ANO6: variants seen among roughly 807,000 people sequenced by gnomAD.
The protein encoded by ANO6 is anoctamin-6.
ANO6 carries 106 observed loss-of-function variants against 117.5 expected under a neutral mutation model. The ratio of observed to expected loss-of-function variants is 0.90; its 90% CI spans 0.77 to 1.06. ANO6 has a LOEUF of 1.06. Among genes scored for constraint, ANO6 ranks in the 50% least tolerant of loss-of-function variants. The pLI is 0.00. For missense variants in ANO6, 955 were observed against 1,121.1 expected (o/e 0.85, Z 2.12); for synonymous variants, 367 against 385.1 (o/e 0.95, Z 0.55).
intron 7 of ANO6, among the ~76,000 whole-genome samples, chr12:45,355,912 A>G (rs192561337): frequency 6.6e-5 from 10 of 152,298 alleles, no homozygotes; most frequent in Non-Finnish European, 1.3e-4. Flanking sequence ...CCAGCTCCAT[A>G]CTGAGCCTGA....
intron 3 of ANO6, among the ~76,000 whole-genome samples, chr12:45,340,651 G>T (rs1471440360): frequency 6.6e-6 from 1 of 151,994 alleles, no homozygotes; most frequent in Non-Finnish European, 1.5e-5. Flanking sequence ...GTGGCCTCAG[G>T]TATTCATTTA....
chr12:45,386,669 A>C (rs181665082), intron 10 of ANO6, among the ~76,000 whole-genome samples: 1 of 152,358 alleles, frequency 6.6e-6, no homozygotes, highest in East Asian at 1.9e-4. Flanking sequence ...TTCAAAGCAC[A>C]GAAAACCCTT....
chr12:45,340,992 C>T (rs1032528262), intron 3 of ANO6, among the ~76,000 whole-genome samples: 3 of 152,018 alleles, frequency 2.0e-5, no homozygotes, highest in African/African-American at 7.2e-5. Flanking sequence ...AATTGCCATG[C>T]CAAAAGAAAA....
intron 1 of ANO6, among the ~76,000 whole-genome samples, chr12:45,238,457 A>G (rs1947683689): frequency 6.6e-6 from 1 of 151,638 alleles, no homozygotes; most frequent in Admixed American, 6.6e-5. Flanking sequence ...GGCTGATGGT[A>G]GGGTTTTCTA....
In ANO6 at chr12:45,409,369, T is replaced by C; in HGVS notation, c.1893T>C (p.Asn631=). Residue 631 remains asparagine (N), a synonymous_variant, in exon 16 of 20, where the codon AAT becomes AAC. Transcript: ENST00000320560. ...IQEVLLPWIM[N]LIGRFHRVSG... Reference sequence around the variant, plus strand: ...TTCTTTTTGGCAGCTGGATCATGAATCTAATTGGGCGATTTCACAGAGTTT... The same window carrying C: ...TTCTTTTTGGCAGCTGGATCATGAACCTAATTGGGCGATTTCACAGAGTTT... 1 of 1,614,008 alleles carries C rather than the reference T, an allele frequency of 6.2e-7. No individual in the cohort carries two copies. Among genetic ancestry groups the C allele is most frequent in the Non-Finnish European group, 8.5e-7 (1 of 1,179,918 alleles).
At chr12:45,321,875 G>T (rs1191894325) in intron 2 of ANO6, among the ~76,000 whole-genome samples, 1 of 152,136 alleles carries the variant, frequency 6.6e-6, no homozygotes, top group Admixed American at 6.6e-5. Flanking sequence ...TTAAAAAGAT[G>T]TGTACTCAAT....
chr12:45,241,172 C>A (rs777615265), intron 1 of ANO6, among the ~76,000 whole-genome samples: 1 of 152,210 alleles, frequency 6.6e-6, no homozygotes, highest in African/African-American at 2.4e-5. Context: ...TTCTCCCTGT[C>A]ACTTTCAGGT....
At chr12:45,225,183 CAA>C (rs34523402) in intron 1 of ANO6, among the ~76,000 whole-genome samples, 1,666 of 73,412 alleles carry the variant, frequency 0.023, 16 homozygotes, top group Admixed American at 0.075. Context: ...GACCCTGTCT[CAA>C]AAAAAAAAAA....
At chr12:45,222,617 A>G (rs1326887949) in intron 1 of ANO6, among the ~76,000 whole-genome samples, 2 of 152,216 alleles carry the variant, frequency 1.3e-5, no homozygotes, top group Non-Finnish European at 2.9e-5. Context: ...AAGCAGAAGC[A>G]GGCCTCAGAA....
At chr12:45,245,924 A>G (rs369819650) in intron 1 of ANO6, among the ~76,000 whole-genome samples, 1 of 150,802 alleles carries the variant, frequency 6.6e-6, no homozygotes, top group African/African-American at 2.5e-5. Flanking sequence ...AGGATTCCAC[A>G]TGTTAGATTG....
intron 3 of ANO6, among the ~76,000 whole-genome samples, chr12:45,341,112 G>A (rs983583623): frequency 2.0e-5 from 3 of 152,162 alleles, no homozygotes; most frequent in Non-Finnish European, 4.4e-5. Context: ...ATAGTTGGTG[G>A]TAAAATGGAG....
intron 2 of ANO6, among the ~76,000 whole-genome samples, chr12:45,329,746 C>A (rs1940598500): frequency 6.6e-6 from 1 of 152,066 alleles, no homozygotes. Flanking sequence ...CTTTGTTCTT[C>A]TGAGAAATTA....
intron 1 of ANO6, among the ~76,000 whole-genome samples, chr12:45,254,673 TAA>T (rs980843642): frequency 5.3e-5 from 8 of 152,232 alleles, no homozygotes; most frequent in Non-Finnish European, 1.0e-4. Flanking sequence ...GGAGTGAACA[TAA>T]AATAGTGACA....
At position 45,416,898 on chromosome 12, in the gene ANO6, G is replaced by A. The variant is rs1943228366; in HGVS notation, c.2211G>A (p.Val737=). 1 of 1,614,084 alleles carries A rather than the reference G, an allele frequency of 6.2e-7. No individual in the cohort carries two copies. Among genetic ancestry groups the A allele is most frequent in the Non-Finnish European group, 8.5e-7 (1 of 1,179,994 alleles). Residue 737 remains valine (V), a synonymous_variant, in exon 17 of 20, where the codon GTG becomes GTA. Coordinates refer to ENST00000320560, the MANE Select transcript of ANO6 (RefSeq NM_001025356.3). Reference sequence around the variant, plus strand: ...AAGGAATAGCAATTCTGGCTGTGGTGACCAATGTGAGTAGACCTAAGCTTT... The same window carrying A: ...AAGGAATAGCAATTCTGGCTGTGGTAACCAATGTGAGTAGACCTAAGCTTT... ...IMQGIAILAV[V]TNAMIIAFTS...
At chr12:45,308,705 C>T (rs554859489) in intron 2 of ANO6, among the ~76,000 whole-genome samples, 1 of 152,174 alleles carries the variant, frequency 6.6e-6, no homozygotes, top group African/African-American at 2.4e-5. Flanking sequence ...CTAGAGCAAC[C>T]TGGAAAAAGT....
At chr12:45,371,098 C>T (rs1159873168) in intron 9 of ANO6, among the ~76,000 whole-genome samples, 3 of 152,142 alleles carry the variant, frequency 2.0e-5, no homozygotes, top group African/African-American at 7.2e-5. Context: ...AAAGGGGTGA[C>T]GAACGGCACC....
At chr12:45,322,645 A>G (rs1417479620) in intron 2 of ANO6, among the ~76,000 whole-genome samples, 1 of 152,098 alleles carries the variant, frequency 6.6e-6, no homozygotes, top group Non-Finnish European at 1.5e-5. Context: ...GTTAATTGTA[A>G]CCTCATTAGT....
intron 12 of ANO6, among the ~76,000 whole-genome samples, chr12:45,398,091 A>G (rs1250535123): frequency 6.6e-6 from 1 of 152,268 alleles, no homozygotes; most frequent in African/African-American, 2.4e-5. Context: ...AAATATTTCT[A>G]TACATCAAAA....
intron 8 of ANO6, among the ~76,000 whole-genome samples, chr12:45,357,810 G>A (rs1444201633): frequency 1.3e-5 from 2 of 152,298 alleles, no homozygotes; most frequent in East Asian, 1.9e-4. Flanking sequence ...GGGAAAATTA[G>A]TGAGGGGTTT....
Sources: allele counts gnomAD v4.1 joint callset (sites outside exome capture counted in the v4.1 genomes callset), GRCh38; gene constraint gnomAD v4.1.1; transcripts MANE v1.5; gene names NCBI Gene and HGNC (gene_info 2026-07-23, HGNC 2026-07-21).